TCF25: variants seen among roughly 807,000 people sequenced by gnomAD.
The protein encoded by TCF25 is TCF25 ribosome quality control complex subunit, also known as ribosome quality control complex subunit TCF25.
In TCF25, 41 loss-of-function variants were observed where a neutral mutation model predicts 83.1. The observed-to-expected ratio is 0.49, with a 90% CI of 0.38 to 0.64. The LOEUF is 0.64. TCF25 is among the 30% of genes least tolerant of loss of function. The pLI is 0.00. For missense variants in TCF25, 979 were observed against 914.5 expected (o/e 1.07, Z -0.91); for synonymous variants, 458 against 365.0 (o/e 1.25, Z -2.90).
At chr16:89,876,152 C>T (rs2042173118) in intron 1 of TCF25, among the ~76,000 whole-genome samples, 2 of 152,126 alleles carry the variant, frequency 1.3e-5, no homozygotes. Flanking sequence ...GTGTCAGTAA[C>T]ACTAACAGCC....
intron 5 of TCF25, chr16:89,889,351 A>AT (rs1184787352): frequency 7.2e-6 from 2 of 279,446 alleles, no homozygotes; most frequent in South Asian, 3.3e-5. Flanking sequence ...ATTTTATTTT[A>AT]TTTTTTATAG....
At chr16:89,907,151 C>T (rs775247327) in intron 15 of TCF25, 92 bp from the exon 16 acceptor site, 3 of 1,262,342 alleles carry the variant, frequency 2.4e-6, no homozygotes, top group East Asian at 2.3e-5. Context: ...TGCATCCAGT[C>T]CATGCTGGAG....
intron 5 of TCF25, among the ~76,000 whole-genome samples, chr16:89,891,469 G>A (rs1464737510): frequency 2.0e-5 from 3 of 152,198 alleles, no homozygotes; most frequent in African/African-American, 4.8e-5. Flanking sequence ...GATGGTGACC[G>A]TGGGCATGGC....
intron 2 of TCF25, chr16:89,883,795 C>CCTCCTAGCCGACCGCGCACGTGTGTG (rs1567700271): frequency 2.9e-6 from 1 of 343,440 alleles, no homozygotes; most frequent in African/African-American, 2.2e-5. Flanking sequence ...GCACGTGTGT[C>CCTCCTAGCCGACCGCGCACGTGTGTG]CCTCCTAGCC....
chr16:89,910,932 G>C (rs150696843), intron 17 of TCF25, 148 bp from the exon 18 acceptor site: 5 of 1,184,082 alleles, frequency 4.2e-6, no homozygotes, highest in Admixed American at 2.6e-5. Context: ...GGTTTTGAGA[G>C]CTTCCTCCTC....
In TCF25 at chr16:89,900,758, C is replaced by G; in HGVS notation, c.1345C>G (p.Leu449Val). The change falls in exon 12 of 18, where the codon CTC (leucine) becomes GTC (valine). Residue 449 changes from leucine to valine, a missense_variant. Transcript: ENST00000263346. The part of the protein sequence containing the change: ...EQSSARQKAS[L>V]LIQQALTMFP... ...GAGCTCTGCCAGGCAGAAGGCCTCT[C>G]TCCTGATACAGCAGGCGCTCACCAT... 3.1e-6 allele frequency: 5 copies of G among 1,594,000 alleles called. No homozygotes were observed. The highest frequency in any genetic ancestry group is 4.3e-6 in the Non-Finnish European group (5 of 1,163,150).
intron 2 of TCF25, 66 bp from the exon 3 acceptor site, chr16:89,884,516 G>T: frequency 6.4e-7 from 1 of 1,562,422 alleles, no homozygotes. Flanking sequence ...CACGCTTGCT[G>T]CTTTAATTCT....
Position 89,884,565 on chromosome 16 carries a change from T to C in TCF25, c.355-17T>C. The C allele has an allele frequency of 1.2e-6, 2 of 1,611,296 alleles. No individual in the cohort carries two copies. The highest frequency in any genetic ancestry group is 1.7e-6 in the Non-Finnish European group (2 of 1,178,168). On this transcript the variant is annotated splice_polypyrimidine_tract_variant and intron_variant, in intron 2 of 17. Transcript: ENST00000263346. ...TTACTTCTCATTCTACTGATGAAAA[T>C]GTGTTTCTATCATTAGTCTCATGCA...
intron 14 of TCF25, among the ~76,000 whole-genome samples, chr16:89,905,699 G>A (rs558176309): frequency 1.3e-5 from 2 of 152,220 alleles, no homozygotes; most frequent in Admixed American, 6.5e-5. Flanking sequence ...CCCAAGAGGC[G>A]CTGGTGCCCC....
At chr16:89,906,703 C>G (rs893408240) in intron 15 of TCF25, among the ~76,000 whole-genome samples, 1 of 152,086 alleles carries the variant, frequency 6.6e-6, no homozygotes, top group East Asian at 1.9e-4. Context: ...GTGAGAAAAC[C>G]AGCAAGTCAG....
Position 89,885,973 on chromosome 16 carries a change from C to A in TCF25, c.548+7C>A. 1 of 1,601,036 alleles carries A rather than the reference C, an allele frequency of 6.2e-7. No homozygotes were observed. Among genetic ancestry groups the A allele is most frequent in the Non-Finnish European group, 8.5e-7 (1 of 1,172,152 alleles). On this transcript the variant is annotated splice_region_variant and intron_variant, in intron 4 of 17. Coordinates refer to ENST00000263346, the MANE Select transcript of TCF25 (RefSeq NM_014972.3). ...TTCTCTACGTGGAGCACAGGTGTGGCCCCCGCCCTTCTCTGCGGCTGCCCT... is the reference window on the plus strand; with the variant it reads ...TTCTCTACGTGGAGCACAGGTGTGGACCCCGCCCTTCTCTGCGGCTGCCCT...
At chr16:89,876,860 C>T (rs1022923337) in intron 1 of TCF25, among the ~76,000 whole-genome samples, 69 of 143,302 alleles carry the variant, frequency 4.8e-4, no homozygotes, top group Non-Finnish European at 8.2e-4. Flanking sequence ...ACCCAGGAGG[C>T]GGAGCTTGCA....
At chr16:89,899,453 C>G (rs1311397053) in intron 11 of TCF25, among the ~76,000 whole-genome samples, 1 of 152,168 alleles carries the variant, frequency 6.6e-6, no homozygotes, top group East Asian at 1.9e-4. Flanking sequence ...TAAATTGGGC[C>G]GGGCATGGTG....
rs566083619 is a variant in TCF25, at chr16:89,900,743, A to G, written c.1330A>G (p.Arg444Gly). 1.2e-5 allele frequency: 19 copies of G among 1,598,254 alleles called. No individual in the cohort carries two copies. The South Asian group carries it at 2.0e-4, about 17-fold the overall frequency. ...CCCTGAGTGTGAGCAGAGCTCTGCCAGGCAGAAGGCCTCTCTCCTGATACA... is the reference window on the plus strand; with the variant it reads ...CCCTGAGTGTGAGCAGAGCTCTGCCGGGCAGAAGGCCTCTCTCCTGATACA... ...DLPECEQSSA[R>G]QKASLLIQQA... The change falls in exon 12 of 18, where the codon AGG becomes GGG. Residue 444 changes from arginine to glycine, a missense_variant. Coordinates refer to ENST00000263346, the MANE Select transcript of TCF25 (RefSeq NM_014972.3).
chr16:89,910,561 C>G, intron 16 of TCF25, 30 bp from the exon 17 acceptor site: 1 of 1,611,070 alleles, frequency 6.2e-7, no homozygotes, highest in South Asian at 1.1e-5. Context: ...AGTTCAGTGT[C>G]GTTTCTGACT....
In TCF25 at chr16:89,894,216, C is replaced by A. The variant is rs142721339; in HGVS notation, c.828+358C>A. 2.8e-3 allele frequency among the ~76,000 whole-genome samples: 426 copies of A among 152,206 alleles called. 3 individuals are homozygous for A. Among genetic ancestry groups the A allele is most frequent in the African/African-American group, 9.9e-3 (412 of 41,518 alleles). ...GGCGAGCAGCTCAGATTCCCGGCCC[C>A]CGTGCAGCCCCCGGACGGCCCCCAC... On this transcript the variant is annotated intron_variant, in intron 7 of 17. Coordinates refer to ENST00000263346, the MANE Select transcript of TCF25 (RefSeq NM_014972.3).
intron 16 of TCF25, chr16:89,909,264 C>A: frequency 2.5e-6 from 2 of 806,386 alleles, no homozygotes; most frequent in Non-Finnish European, 3.4e-6. Flanking sequence ...GTAATTCCAG[C>A]AGTTTGAGAG....
At chr16:89,885,244 A>G (rs749774392) in intron 3 of TCF25, among the ~76,000 whole-genome samples, 28 of 152,198 alleles carry the variant, frequency 1.8e-4, no homozygotes, top group Non-Finnish European at 3.1e-4. Context: ...AGGGAAAGTT[A>G]CTTTCTAAAT....
chr16:89,898,919 TCTC>T (rs778777869), intron 11 of TCF25, 47 bp downstream of exon 11: 3 of 1,566,396 alleles, frequency 1.9e-6, no homozygotes, highest in South Asian at 1.1e-5. Flanking sequence ...GACACCTGCT[TCTC>T]CTTCTGTTTT....
Sources: allele counts gnomAD v4.1 joint callset (sites outside exome capture counted in the v4.1 genomes callset), GRCh38; gene constraint gnomAD v4.1.1; transcripts MANE v1.5; gene names NCBI Gene and HGNC (gene_info 2026-07-23, HGNC 2026-07-21).